DNAI4: variants seen among roughly 807,000 people sequenced by gnomAD.
DNAI4 encodes the protein dynein axonemal intermediate chain 4, also known as WD repeat domain 78.
DNAI4 carries 85 observed loss-of-function variants against 105.8 expected under a neutral mutation model. That is an observed-to-expected ratio of 0.80 (90% CI 0.67 to 0.96). The LOEUF is 0.96. Ranked by LOEUF, DNAI4 falls within the 40% of genes least tolerant of loss-of-function variation. The pLI, the probability that DNAI4 is intolerant of heterozygous loss-of-function variation, is 0.00. For missense variants in DNAI4, 1,014 were observed against 1,005.6 expected (o/e 1.01, Z -0.11); for synonymous variants, 352 against 331.5 (o/e 1.06, Z -0.67).
chr1:66,875,078 G>C, intron 4 of DNAI4, 141 bp from the exon 5 acceptor site: 1 of 822,704 alleles, frequency 1.2e-6, no homozygotes, highest in Non-Finnish European at 1.8e-6. Context: ...GTTGTGAGAT[G>C]TAGTATATTC....
intron 1 of DNAI4, among the ~76,000 whole-genome samples, chr1:66,912,574 C>T (rs1649742008): frequency 6.6e-6 from 1 of 152,152 alleles, no homozygotes. Flanking sequence ...CTGGATGGAA[C>T]CAATGTACTT....
At chr1:66,883,144 G>A in intron 4 of DNAI4, among the ~76,000 whole-genome samples, 1 of 149,302 alleles carries the variant, frequency 6.7e-6, no homozygotes, top group Admixed American at 6.6e-5. Context: ...CAGTGTTGCA[G>A]GATACATGCC....
At chr1:66,865,945 G>A (rs755803465) in intron 6 of DNAI4, among the ~76,000 whole-genome samples, 49 of 152,186 alleles carry the variant, frequency 3.2e-4, no homozygotes, top group Non-Finnish European at 6.5e-4. Context: ...CTTATGGAAA[G>A]GTGGCATTTC....
intron 1 of DNAI4, among the ~76,000 whole-genome samples, chr1:66,924,423 C>CG (rs1485625018): frequency 1.3e-5 from 2 of 151,148 alleles, no homozygotes; most frequent in African/African-American, 4.9e-5. Flanking sequence ...CCACCCCACT[C>CG]GGCCTCCCAA....
chr1:66,893,043 GAA>G (rs1309426198), intron 3 of DNAI4, among the ~76,000 whole-genome samples, 184 bp downstream of exon 3: 2 of 117,442 alleles, frequency 1.7e-5, no homozygotes, highest in African/African-American at 3.9e-5. Context: ...AGGAAAGAAA[GAA>G]AGAAAGAAAG....
At chr1:66,818,372 A>C (rs1645560187) in intron 16 of DNAI4, among the ~76,000 whole-genome samples, 1 of 152,068 alleles carries the variant, frequency 6.6e-6, no homozygotes, top group Non-Finnish European at 1.5e-5. Context: ...TAAAAGTCCA[A>C]TATATTAAAT....
chr1:66,864,758 T>C (rs1038806647), intron 6 of DNAI4, among the ~76,000 whole-genome samples: 1 of 152,154 alleles, frequency 6.6e-6, no homozygotes, highest in African/African-American at 2.4e-5. Flanking sequence ...GGAGAATCGC[T>C]TGAACCCAGG....
chr1:66,835,645 C>T lies in DNAI4; in HGVS notation c.1714G>A (p.Val572Ile). 4.3e-6 allele frequency: 7 copies of T among 1,614,094 alleles called. No individual in the cohort carries two copies. The highest frequency in any genetic ancestry group is 1.6e-4 in the Middle Eastern group (1 of 6,062). ...TCTTACCTACTATCCAGAACTGGAA[C>T]ATTACTGTTGCTCCGTACATTGTAA... ...AIYNVRSNSN[V>I]PVLDSSESPQ... The change falls in exon 11 of 17, where the codon GTT becomes ATT. Residue 572 changes from valine to isoleucine, a missense_variant. Transcript: ENST00000371026.
At chr1:66,857,191 A>C (rs1407491698) in intron 7 of DNAI4, among the ~76,000 whole-genome samples, 2 of 151,932 alleles carry the variant, frequency 1.3e-5, no homozygotes, top group African/African-American at 2.4e-5. Context: ...TTGTAGGGAC[A>C]TGGATGAAGC....
At chr1:66,865,472 C>T (rs957917784) in intron 6 of DNAI4, among the ~76,000 whole-genome samples, 5 of 152,098 alleles carry the variant, frequency 3.3e-5, no homozygotes, top group Admixed American at 6.6e-5. Context: ...AAAAGTGTAC[C>T]TTTTCCCTGC....
intron 3 of DNAI4, among the ~76,000 whole-genome samples, chr1:66,892,339 G>A (rs1925405): frequency 0.13 from 19,585 of 152,120 alleles, 1,314 homozygotes; most frequent in Middle Eastern, 0.21. Context: ...TAGGAGAACA[G>A]AGATTTGCAT....
chr1:66,918,525 C>G (rs1650239014), intron 1 of DNAI4, among the ~76,000 whole-genome samples: 3 of 150,510 alleles, frequency 2.0e-5, no homozygotes, highest in Non-Finnish European at 4.4e-5. Flanking sequence ...AAACAGCAAC[C>G]TATTTACATA....
chr1:66,837,841 T>A, intron 9 of DNAI4, 45 bp from the exon 10 acceptor site: 1 of 1,500,716 alleles, frequency 6.7e-7, no homozygotes, highest in Non-Finnish European at 9.1e-7. Context: ...AAGATAGCAT[T>A]AAAATATTGG....
chr1:66,850,917 G>A (rs1646383449), intron 7 of DNAI4, among the ~76,000 whole-genome samples: 1 of 151,824 alleles, frequency 6.6e-6, no homozygotes, highest in Admixed American at 6.6e-5. Context: ...AAGAAAGCAG[G>A]AAGAAGATAA....
intron 1 of DNAI4, among the ~76,000 whole-genome samples, chr1:66,915,076 C>T (rs946767106): frequency 6.6e-6 from 1 of 152,172 alleles, no homozygotes; most frequent in African/African-American, 2.4e-5. Flanking sequence ...CAAAATTTGG[C>T]AAAGGGTTTA....
chr1:66,906,484 C>T (rs549435109), intron 1 of DNAI4, among the ~76,000 whole-genome samples: 8 of 152,062 alleles, frequency 5.3e-5, no homozygotes, highest in African/African-American at 1.4e-4. Context: ...TTTTAAATAA[C>T]GATCAATCCA....
chr1:66,888,618 G>A (rs952271769), intron 4 of DNAI4, among the ~76,000 whole-genome samples: 3 of 152,164 alleles, frequency 2.0e-5, no homozygotes, highest in Non-Finnish European at 4.4e-5. Context: ...ACTTGAACCC[G>A]GGAGGCGGAG....
At chr1:66,866,594 GTCT>G (rs552008632) in intron 6 of DNAI4, among the ~76,000 whole-genome samples, 16 of 152,100 alleles carry the variant, frequency 1.1e-4, no homozygotes, top group South Asian at 2.1e-4. Context: ...GTATTTTATT[GTCT>G]TCTTCTTTTT....
chr1:66,825,052 A>C (rs941794505), intron 15 of DNAI4, among the ~76,000 whole-genome samples: 1 of 152,214 alleles, frequency 6.6e-6, no homozygotes, highest in African/African-American at 2.4e-5. Flanking sequence ...AGAGATAGAT[A>C]TAAAGATAGG....
Sources: gnomAD v4.1 joint callset for allele counts (sites outside exome capture counted in the v4.1 genomes callset) on GRCh38, gnomAD v4.1.1 for gene constraint, MANE v1.5 for transcripts, NCBI Gene and HGNC (gene_info 2026-07-23, HGNC 2026-07-21) for gene names.